Variants in RUFY4 observed in about 807,000 individuals in gnomAD.
RUFY4 encodes the protein RUN and FYVE domain containing 4.
A neutral mutation model predicts 69.0 loss-of-function variants in RUFY4; 73 were observed. That is an observed-to-expected ratio of 1.06 (90% CI 0.88 to 1.29). RUFY4 has a LOEUF of 1.29. RUFY4 is among the 50% of genes most tolerant of loss of function. RUFY4 has a pLI of 0.00. For missense variants in RUFY4, 770 were observed against 705.6 expected (o/e 1.09, Z -1.03); for synonymous variants, 287 against 271.8 (o/e 1.06, Z -0.55).
chr2:218,089,855 TG>T (rs1222849528), intron 10 of RUFY4, 96 bp from the exon 13 acceptor site: 9 of 835,120 alleles, frequency 1.1e-5, no homozygotes, highest in Non-Finnish European at 1.6e-5. Context: ...ATGTCTCAGG[TG>T]GACCTGAAGA....
chr2:218,058,142 C>T (rs1689104522), intron 2 of RUFY4, among the ~76,000 whole-genome samples: 1 of 152,212 alleles, frequency 6.6e-6, no homozygotes. Flanking sequence ...TTCTTCTAAT[C>T]TGGTGAATTC....
At chr2:218,070,574 G>A in exon 1 of RUFY4, 2 of 1,534,278 alleles carry the variant, frequency 1.3e-6, no homozygotes, top group Middle Eastern at 1.7e-4. Context: ...CACAGTCCAA[G>A]TTGCAAGGAA....
intron 9 of RUFY4, among the ~76,000 whole-genome samples, chr2:218,086,413 C>T (rs1418502108): frequency 1.3e-5 from 2 of 152,174 alleles, no homozygotes; most frequent in Non-Finnish European, 2.9e-5. Flanking sequence ...TATGAAATTT[C>T]ACTAAGACAG....
chr2:218,035,625 C>T (rs895382351), intron 2 of RUFY4, among the ~76,000 whole-genome samples: 2 of 152,164 alleles, frequency 1.3e-5, no homozygotes, highest in South Asian at 2.1e-4. Flanking sequence ...CTGGGTTTTC[C>T]GCTCCATGCC....
At chr2:218,082,744 G>T (rs1443756067) in intron 8 of RUFY4, among the ~76,000 whole-genome samples, 2 of 149,574 alleles carry the variant, frequency 1.3e-5, no homozygotes, top group Non-Finnish European at 3.0e-5. Flanking sequence ...TATGTGTGTG[G>T]TGTGTGCATT....
chr2:218,048,630 C>T (rs1188350579), intron 2 of RUFY4, among the ~76,000 whole-genome samples: 1 of 152,008 alleles, frequency 6.6e-6, no homozygotes, highest in African/African-American at 2.4e-5. Flanking sequence ...TATTGTCTCT[C>T]TTTATTTTTG....
exon 9 of RUFY4, chr2:218,083,144 C>T: frequency 3.1e-6 from 5 of 1,613,552 alleles, no homozygotes; most frequent in Non-Finnish European, 4.2e-6. Flanking sequence ...GCAGGCACAG[C>T]TGGAGCAGAA....
At chr2:218,062,274 C>G (rs962584817) in intron 3 of RUFY4, among the ~76,000 whole-genome samples, 4 of 152,010 alleles carry the variant, frequency 2.6e-5, no homozygotes, top group Admixed American at 6.6e-5. Flanking sequence ...GGCATGGTGG[C>G]GGGCACCTGT....
chr2:218,087,610 C>G lies in RUFY4; in HGVS notation c.1503-1642C>G, dbSNP rs181896765. ...TTGGAAGTCCAAGTCAGGTGGATCT[C>G]CTGAGTTCAGGAGTTTGAGACTAGC... On this transcript the variant is annotated intron_variant, in intron 9 of 10. Transcript: ENST00000344321. Among the ~76,000 whole-genome samples the G allele has an allele frequency of 8.6e-4, 131 of 152,286 alleles. 1 individual carries two copies. The highest frequency in any genetic ancestry group is 3.0e-3 in the African/African-American group (126 of 41,556).
At chr2:218,038,167 G>T (rs1036653719) in intron 2 of RUFY4, among the ~76,000 whole-genome samples, 2 of 151,916 alleles carry the variant, frequency 1.3e-5, no homozygotes, top group African/African-American at 4.8e-5. Flanking sequence ...ACCTTTCCAT[G>T]AAAGTTATCA....
intron 3 of RUFY4, 116 bp from the exon 6 acceptor site, chr2:218,072,663 C>T (rs984286197): frequency 3.1e-5 from 40 of 1,296,556 alleles, no homozygotes; most frequent in Non-Finnish European, 3.9e-5. Context: ...CTCCCATGGC[C>T]TCAGGTCCCC....
At chr2:218,081,945 C>T (rs771672901) in intron 8 of RUFY4, among the ~76,000 whole-genome samples, 1 of 152,224 alleles carries the variant, frequency 6.6e-6, no homozygotes, top group Non-Finnish European at 1.5e-5. Flanking sequence ...TCCGCTCAAA[C>T]ACACTCAAGC....
At chr2:218,058,373 A>G (rs537436457) in intron 2 of RUFY4, among the ~76,000 whole-genome samples, 1 of 152,344 alleles carries the variant, frequency 6.6e-6, no homozygotes, top group Admixed American at 6.5e-5. Flanking sequence ...AATCCCAAGC[A>G]TCTATCATGT....
intron 3 of RUFY4, 93 bp downstream of exon 5, chr2:218,072,592 C>A (rs1689515292): frequency 2.7e-6 from 4 of 1,477,352 alleles, no homozygotes; most frequent in Non-Finnish European, 3.6e-6. Context: ...ACCATAGACC[C>A]CTCACCTGCT....
At chr2:218,045,822 T>G (rs1410891916) in intron 2 of RUFY4, among the ~76,000 whole-genome samples, 1 of 130,708 alleles carries the variant, frequency 7.7e-6, no homozygotes, top group East Asian at 2.0e-4. Flanking sequence ...TTTTTTTTTT[T>G]GAGGCGGAGT....
At chr2:218,081,365 T>C (rs1293709695) in intron 8 of RUFY4, among the ~76,000 whole-genome samples, 1 of 152,242 alleles carries the variant, frequency 6.6e-6, no homozygotes, top group Non-Finnish European at 1.5e-5. Flanking sequence ...TGCTGACTTT[T>C]CATCTTCTGG....
chr2:218,068,192 G>A (rs1006324996), upstream of RUFY4, among the ~76,000 whole-genome samples: 5 of 150,310 alleles, frequency 3.3e-5, no homozygotes, highest in Admixed American at 1.3e-4. Context: ...CAGGGGACTG[G>A]AGGAGGGCAG....
At chr2:218,088,517 A>G (rs984094136) in intron 9 of RUFY4, among the ~76,000 whole-genome samples, 8 of 152,286 alleles carry the variant, frequency 5.3e-5, no homozygotes, top group East Asian at 1.9e-4. Flanking sequence ...GCAAGGGCAT[A>G]CATGTAAATA....
At chr2:218,053,827 T>G (rs1057074863) in intron 2 of RUFY4, among the ~76,000 whole-genome samples, 2 of 152,230 alleles carry the variant, frequency 1.3e-5, no homozygotes, top group African/African-American at 4.8e-5. Flanking sequence ...AATTTTTTTG[T>G]GCAGACTGGG....
Sources: allele counts gnomAD v4.1 joint callset (sites outside exome capture counted in the v4.1 genomes callset), GRCh38; gene constraint gnomAD v4.1.1; transcripts MANE v1.5; gene names NCBI Gene and HGNC (gene_info 2026-07-23, HGNC 2026-07-21).